SNTG2: variants seen among roughly 807,000 people sequenced by gnomAD.
SNTG2 encodes the protein gamma-2-syntrophin.
In SNTG2, 74 loss-of-function variants were observed where a neutral mutation model predicts 70.9. That is an observed-to-expected ratio of 1.04 (90% CI 0.86 to 1.27). The LOEUF is 1.27. Among genes scored for constraint, SNTG2 ranks in the 50% most tolerant of loss-of-function variants. SNTG2 has a pLI of 0.00. For synonymous variants in SNTG2, 278 were observed against 273.8 expected, an observed-to-expected ratio of 1.02 and a Z score of -0.15; for missense variants, 717 against 690.7, an observed-to-expected ratio of 1.04 and a Z score of -0.43.
At chr2:1,319,855 T>C (rs1681441280) in intron 16 of SNTG2, among the ~76,000 whole-genome samples, 1 of 152,132 alleles carries the variant, frequency 6.6e-6, no homozygotes, top group Admixed American at 6.5e-5. Context: ...AGCTGGGAAA[T>C]GAAAACTCTA....
In SNTG2 at chr2:1,182,261, G is replaced by C. The variant is rs1671955347; in HGVS notation, c.591+9078G>C. On this transcript the variant is annotated intron_variant, in intron 8 of 16. Transcript: ENST00000308624. ...TGCAAGTCTAATGTGGGACTCACTA[G>C]TTTTCCTTTGTAAGAAACCTTTACC... 2.7e-5 allele frequency among the ~76,000 whole-genome samples: 4 copies of C among 148,300 alleles called. No individual in the cohort carries two copies. In the South Asian group the frequency reaches 8.7e-4, roughly 32 times the overall value.
chr2:1,176,883 G>T (rs1671513625), intron 8 of SNTG2, among the ~76,000 whole-genome samples: 1 of 152,172 alleles, frequency 6.6e-6, no homozygotes, highest in African/African-American at 2.4e-5. Flanking sequence ...CTGTTGGTGG[G>T]AATGTAAATT....
chr2:1,146,136 A>G (rs1669087330), intron 6 of SNTG2, among the ~76,000 whole-genome samples: 1 of 152,210 alleles, frequency 6.6e-6, no homozygotes, highest in South Asian at 2.1e-4. Context: ...CACCAAGATC[A>G]GGAACAATAC....
intron 2 of SNTG2, among the ~76,000 whole-genome samples, chr2:1,092,509 G>T (rs773542058): frequency 2.6e-5 from 4 of 152,212 alleles, no homozygotes; most frequent in Non-Finnish European, 5.9e-5. Flanking sequence ...TGTTTTACCT[G>T]TAGAACTGAT....
intron 1 of SNTG2, among the ~76,000 whole-genome samples, chr2:1,041,199 G>A (rs919214441): frequency 3.3e-5 from 5 of 152,112 alleles, no homozygotes; most frequent in Admixed American, 6.5e-5. Flanking sequence ...CTCTCAGTGC[G>A]GTGCTTAGTG....
At chr2:1,162,212 T>C (rs1480491501) in intron 6 of SNTG2, among the ~76,000 whole-genome samples, 1 of 152,180 alleles carries the variant, frequency 6.6e-6, no homozygotes, top group Non-Finnish European at 1.5e-5. Context: ...TTTTCCTGCT[T>C]CAATCCACAG....
intron 8 of SNTG2, among the ~76,000 whole-genome samples, chr2:1,190,463 ACAGATGTG>A (rs1373230028): frequency 7.0e-6 from 1 of 141,908 alleles, no homozygotes; most frequent in Admixed American, 7.1e-5. Flanking sequence ...GATTGAATCC[ACAGATGTG>A]GAACCACAAA....
chr2:1,151,089 G>A (rs9798483), intron 6 of SNTG2, among the ~76,000 whole-genome samples: 94,106 of 152,104 alleles, frequency 0.62, 32,324 homozygotes, highest in Non-Finnish European at 0.8. Context: ...TAGAATATAT[G>A]GTATGACGAA....
At chr2:1,239,069 C>G (rs747107699) in intron 10 of SNTG2, among the ~76,000 whole-genome samples, 1 of 152,224 alleles carries the variant, frequency 6.6e-6, no homozygotes, top group Non-Finnish European at 1.5e-5. Context: ...AAACGCAACA[C>G]TTTAAATTCC....
chr2:1,261,372 A>T (rs1378816287), intron 13 of SNTG2, among the ~76,000 whole-genome samples: 1 of 152,226 alleles, frequency 6.6e-6, no homozygotes, highest in Non-Finnish European at 1.5e-5. Context: ...TTACCATTTC[A>T]AAGTACACTC....
chr2:1,170,361 C>T (rs1671045640), intron 7 of SNTG2, among the ~76,000 whole-genome samples: 1 of 152,116 alleles, frequency 6.6e-6, no homozygotes, highest in Non-Finnish European at 1.5e-5. Context: ...AAAAATAAAC[C>T]CTGTGCCAGT....
rs79426886 is a variant in SNTG2, at chr2:1,289,177, C to A, written c.1285-19317C>A. ...TATCTTCAGAGATCCTAATCAATAT[C>A]ACACCCTTAGATATTCCAAATTAGC... On this transcript the variant is annotated intron_variant, in intron 14 of 16. Transcript: ENST00000308624. Among the ~76,000 whole-genome samples, 661 of 152,186 alleles carry A rather than the reference C, an allele frequency of 4.3e-3. 7 individuals are homozygous for A. The highest frequency in any genetic ancestry group is 0.015 in the African/African-American group (620 of 41,514).
At position 1,201,179 on chromosome 2, in the gene SNTG2, A is replaced by G. The variant is rs955709361; in HGVS notation, c.592-7924A>G. On this transcript the variant is annotated intron_variant, in intron 8 of 16. Transcript: ENST00000308624. Reference sequence around the variant, plus strand: ...ATTATTAGGTGAATAGATAAGAAAAATATGGTATATATACACAATGAAATA... The same window carrying G: ...ATTATTAGGTGAATAGATAAGAAAAGTATGGTATATATACACAATGAAATA... Among the ~76,000 whole-genome samples the G allele has an allele frequency of 1.8e-4, 27 of 152,180 alleles. No individual in the cohort carries two copies. The East Asian group carries it at 2.5e-3, about 14-fold the overall frequency.
chr2:1,223,912 G>C (rs552406386), intron 9 of SNTG2, among the ~76,000 whole-genome samples: 9 of 132,022 alleles, frequency 6.8e-5, no homozygotes, highest in South Asian at 2.6e-4. Context: ...TGCGTCCCTC[G>C]AGCTCTGGAG....
intron 6 of SNTG2, among the ~76,000 whole-genome samples, chr2:1,141,235 A>G (rs6548202): frequency 0.47 from 71,775 of 151,786 alleles, 17,907 homozygotes; most frequent in East Asian, 0.64. Context: ...TTTCCATTTA[A>G]TGACATGTGT....
intron 8 of SNTG2, among the ~76,000 whole-genome samples, chr2:1,174,048 C>T (rs901395120): frequency 6.6e-6 from 1 of 152,220 alleles, no homozygotes; most frequent in Non-Finnish European, 1.5e-5. Context: ...TCTGACTACT[C>T]CATTTCTAAC....
At chr2:1,116,820 C>T (rs1423832125) in intron 4 of SNTG2, among the ~76,000 whole-genome samples, 2 of 32,214 alleles carry the variant, frequency 6.2e-5, no homozygotes, top group Middle Eastern at 0.034. Context: ...GTTTCCTGGT[C>T]TGTGGGTGCC....
At chr2:978,204 C>T (rs1286177872) in intron 1 of SNTG2, among the ~76,000 whole-genome samples, 1 of 152,178 alleles carries the variant, frequency 6.6e-6, no homozygotes, top group Non-Finnish European at 1.5e-5. Context: ...CTGGGAGATG[C>T]AGCTCGTGGT....
intron 16 of SNTG2, among the ~76,000 whole-genome samples, chr2:1,342,066 G>A (rs1476956802): frequency 6.6e-6 from 1 of 152,080 alleles, no homozygotes; most frequent in Non-Finnish European, 1.5e-5. Flanking sequence ...AGGTAATTCA[G>A]ACTCTGGAAA....
Sources: gnomAD v4.1 joint callset for allele counts (sites outside exome capture counted in the v4.1 genomes callset) on GRCh38, gnomAD v4.1.1 for gene constraint, MANE v1.5 for transcripts, NCBI Gene and HGNC (gene_info 2026-07-23, HGNC 2026-07-21) for gene names.